Variants in RALGAPA2 observed in about 807,000 individuals in gnomAD.
The protein encoded by RALGAPA2 is Ral GTPase activating protein catalytic subunit alpha 2, also known as ral GTPase-activating protein subunit alpha-2.
In RALGAPA2, 139 loss-of-function variants were observed where a neutral mutation model predicts 230.4. The ratio of observed to expected loss-of-function variants is 0.60; its 90% CI spans 0.53 to 0.69. The LOEUF (loss-of-function observed/expected upper bound fraction) is 0.69, where lower values mean the gene tolerates loss of function less well. RALGAPA2 is among the 30% of genes least tolerant of loss of function. The pLI, the probability that RALGAPA2 is intolerant of heterozygous loss-of-function variation, is 0.00. For synonymous variants in RALGAPA2, 847 were observed against 837.8 expected, an observed-to-expected ratio of 1.01 and a Z score of -0.19; for missense variants, 2,163 against 2,276.0, an observed-to-expected ratio of 0.95 and a Z score of 1.01.
intron 9 of RALGAPA2, 78 bp from the exon 10 acceptor site, chr20:20,629,668 G>T: frequency 6.9e-7 from 1 of 1,442,032 alleles, no homozygotes; most frequent in Non-Finnish European, 9.7e-7. Context: ...GTCTTGCCTT[G>T]TTTTAAGTAA....
intron 36 of RALGAPA2, among the ~76,000 whole-genome samples, chr20:20,490,861 A>AACACACACACACACAC (rs34230105): frequency 3.4e-4 from 48 of 142,244 alleles, no homozygotes; most frequent in African/African-American, 1.2e-3. Context: ...AACACACATG[A>AACACACACACACACAC]ACACACACAC....
intron 36 of RALGAPA2, among the ~76,000 whole-genome samples, chr20:20,483,446 C>T (rs1448130732): frequency 1.3e-5 from 2 of 152,208 alleles, no homozygotes; most frequent in Non-Finnish European, 2.9e-5. Flanking sequence ...ACCAGAGCTG[C>T]TTTCCATGTA....
chr20:20,520,806 C>A, intron 31 of RALGAPA2, 111 bp downstream of exon 31: 1 of 937,688 alleles, frequency 1.1e-6, no homozygotes, highest in Non-Finnish European at 1.5e-6. Flanking sequence ...ACTCCAGGAA[C>A]TAGGATTTCA....
rs1208972223 is a variant in RALGAPA2 at position 20,495,122 on chromosome 20, G to T, written c.5362C>A (p.Pro1788Thr). 1 of 1,602,086 alleles carries T rather than the reference G, an allele frequency of 6.2e-7. No homozygotes were observed. The highest frequency in any genetic ancestry group is 8.5e-7 in the Non-Finnish European group (1 of 1,170,570). The change falls in exon 36 of 40, where the codon CCT (proline) becomes ACT (threonine). Residue 1788 changes from proline to threonine, a missense_variant. Physicochemically the swap from Pro to Thr is conservative, Grantham distance 38 (BLOSUM62 -1). Coordinates refer to ENST00000202677, the MANE Select transcript of RALGAPA2 (RefSeq NM_020343.4). ...HMFFIAITKK[P>T]EVPFFGPLFD... ...ACAATGCAATGAAAACGTACCTCAG[G>T]TTTCTTCGTTATCGCGATGAAGAAC...
At chr20:20,476,800 C>T (rs1209806469) in intron 36 of RALGAPA2, among the ~76,000 whole-genome samples, 1 of 151,824 alleles carries the variant, frequency 6.6e-6, no homozygotes. Flanking sequence ...TATATAGTCA[C>T]CAAACAGAAC....
At chr20:20,468,383 C>T (rs58824986) in intron 37 of RALGAPA2, among the ~76,000 whole-genome samples, 2 of 152,140 alleles carry the variant, frequency 1.3e-5, no homozygotes, top group African/African-American at 4.8e-5. Context: ...TTCAATGCAG[C>T]CCCTCTCCCC....
At chr20:20,582,868 G>T (rs2065027258) in intron 20 of RALGAPA2, among the ~76,000 whole-genome samples, 182 bp downstream of exon 20, 1 of 152,136 alleles carries the variant, frequency 6.6e-6, no homozygotes, top group South Asian at 2.1e-4. Flanking sequence ...GAACAATTCA[G>T]TCAGGGATAG....
At chr20:20,417,592 T>C (rs1167602216) in intron 37 of RALGAPA2, among the ~76,000 whole-genome samples, 1 of 152,212 alleles carries the variant, frequency 6.6e-6, no homozygotes, top group Admixed American at 6.5e-5. Flanking sequence ...TTGAGTCAAA[T>C]AGTTAACATT....
intron 18 of RALGAPA2, 84 bp from the exon 19 acceptor site, chr20:20,585,039 G>GGT (rs1312107955): frequency 2.6e-6 from 2 of 758,144 alleles, no homozygotes; most frequent in Admixed American, 2.8e-5. Flanking sequence ...AATTTCTAAA[G>GGT]AAAAAGAAAC....
intron 37 of RALGAPA2, among the ~76,000 whole-genome samples, chr20:20,452,988 T>C (rs1164685823): frequency 1.3e-5 from 2 of 152,186 alleles, no homozygotes; most frequent in African/African-American, 4.8e-5. Context: ...CACAAAACTG[T>C]GTGGCCTCAG....
At chr20:20,708,230 T>C (rs1047477378) in intron 1 of RALGAPA2, among the ~76,000 whole-genome samples, 6 of 152,224 alleles carry the variant, frequency 3.9e-5, no homozygotes, top group Admixed American at 3.9e-4. Context: ...TTTTAACATG[T>C]GGTCACTAAA....
At chr20:20,704,008 C>CT (rs1229706242) in intron 1 of RALGAPA2, among the ~76,000 whole-genome samples, 3 of 152,244 alleles carry the variant, frequency 2.0e-5, no homozygotes, top group African/African-American at 7.2e-5. Flanking sequence ...AACAGATGTC[C>CT]TTTTTTTAAG....
intron 20 of RALGAPA2, among the ~76,000 whole-genome samples, chr20:20,575,836 T>G (rs1213610539): frequency 1.3e-5 from 2 of 152,196 alleles, no homozygotes; most frequent in Non-Finnish European, 2.9e-5. Context: ...GTTGCTACTG[T>G]CTTTCTCCTG....
At chr20:20,422,942 GA>G (rs1182989830) in intron 37 of RALGAPA2, among the ~76,000 whole-genome samples, 1 of 152,234 alleles carries the variant, frequency 6.6e-6, no homozygotes, top group African/African-American at 2.4e-5. Context: ...GCTGGTTACA[GA>G]AGGGAAGAAG....
chr20:20,598,046 C>G (rs1260762435), intron 16 of RALGAPA2, among the ~76,000 whole-genome samples: 1 of 152,116 alleles, frequency 6.6e-6, no homozygotes, highest in Non-Finnish European at 1.5e-5. Context: ...CCAAAAATGA[C>G]TTTTGGTGCT....
At chr20:20,482,296 A>C (rs919647457) in intron 36 of RALGAPA2, among the ~76,000 whole-genome samples, 1 of 152,238 alleles carries the variant, frequency 6.6e-6, no homozygotes, top group African/African-American at 2.4e-5. Flanking sequence ...GGTAGTTTGC[A>C]GAAGAGGTAA....
Position 20,618,394 on chromosome 20 carries a change from A to C in RALGAPA2, c.1539+883T>G, listed in dbSNP as rs149751230. Among the ~76,000 whole-genome samples, 44 of 152,338 alleles carry C rather than the reference A, an allele frequency of 2.9e-4. No individual in the cohort carries two copies. The East Asian group carries it at 8.3e-3, about 29-fold the overall frequency. Reference sequence around the variant, plus strand: ...CATGTGAAATCATCTCAACTTTTTTAAGTTAACTTCAAAATTATGTGTAGG... The same window carrying C: ...CATGTGAAATCATCTCAACTTTTTTCAGTTAACTTCAAAATTATGTGTAGG... On this transcript the variant is annotated intron_variant, in intron 12 of 39. Coordinates refer to ENST00000202677, the MANE Select transcript of RALGAPA2 (RefSeq NM_020343.4).
At position 20,591,305 on chromosome 20, in the gene RALGAPA2, T is replaced by C; in HGVS notation, c.2213A>G (p.Glu738Gly). ...IVRQKATEVE[E>G]CQQSENAPAA... ...AGGTGCATTTTCTGACTGTTGACAC[T>C]CCTCCACTTCTGTGAGCATTAACAA... is the stretch of plus-strand genomic sequence containing the variant. Residue 738 changes from glutamate to glycine, a missense_variant, in exon 17 of 40, where the codon GAG becomes GGG. By Grantham distance (98) the Glu-to-Gly change is moderately conservative. Coordinates refer to ENST00000202677, the MANE Select transcript of RALGAPA2 (RefSeq NM_020343.4). 1 of 1,613,536 alleles carries C rather than the reference T, an allele frequency of 6.2e-7. No homozygotes were observed. The highest frequency in any genetic ancestry group is 8.5e-7 in the Non-Finnish European group (1 of 1,179,618).
In RALGAPA2 at chr20:20,448,816, G is replaced by C. The variant is rs146136084; in HGVS notation, c.5495+24013C>G. Among the ~76,000 whole-genome samples, 12 of 150,730 alleles carry C rather than the reference G, an allele frequency of 8.0e-5. No homozygotes were observed. The East Asian group carries it at 2.3e-3, about 29-fold the overall frequency. The stretch of plus-strand genomic sequence containing the variant: ...AGTGAAGAGAATGACTATGAAAACT[G>C]ACCAGTGATTTACTTACTCAAAAAG... On this transcript the variant is annotated intron_variant, in intron 37 of 39. Coordinates refer to ENST00000202677, the MANE Select transcript of RALGAPA2 (RefSeq NM_020343.4).
Sources: gnomAD v4.1 joint callset for allele counts (sites outside exome capture counted in the v4.1 genomes callset) on GRCh38, gnomAD v4.1.1 for gene constraint, MANE v1.5 for transcripts, NCBI Gene and HGNC (gene_info 2026-07-23, HGNC 2026-07-21) for gene names.